The following TCP11L2 variants were observed in gnomAD, a reference collection of about 807,000 sequenced individuals.
The protein encoded by TCP11L2 is t-complex 11 like 2.
Under a neutral mutation model 50.7 loss-of-function variants are expected in TCP11L2, and 39 were observed. That is an observed-to-expected ratio of 0.77 (90% confidence interval 0.60 to 1.01). The LOEUF is 1.01. Ranked by LOEUF, TCP11L2 falls within the 50% of genes least tolerant of loss-of-function variation. The pLI is 0.00. For missense variants in TCP11L2, 612 were observed against 614.7 expected, an observed-to-expected ratio of 1.00 and a Z score of 0.05; for synonymous variants, 192 against 219.3, an observed-to-expected ratio of 0.88 and a Z score of 1.10.
At chr12:106,326,835 G>T (rs1490367646) in intron 6 of TCP11L2, among the ~76,000 whole-genome samples, 1 of 152,194 alleles carries the variant, frequency 6.6e-6, no homozygotes, top group Non-Finnish European at 1.5e-5. Flanking sequence ...CATCTGGATA[G>T]CCAGTTATCT....
chr12:106,328,978 C>T (rs1468403482), intron 6 of TCP11L2, among the ~76,000 whole-genome samples: 2 of 151,878 alleles, frequency 1.3e-5, no homozygotes, highest in South Asian at 2.1e-4. Flanking sequence ...AAGATGGGGC[C>T]TCTGAATTGA....
At position 106,321,800 on chromosome 12, in the gene TCP11L2, C is replaced by T. The variant is rs1592951370; in HGVS notation, c.635+94C>T. 32 of 1,003,972 alleles carry T rather than the reference C, an allele frequency of 3.2e-5. No individual in the cohort carries two copies. In the East Asian group the frequency reaches 7.6e-4, roughly 24 times the overall value. 62.2% of individuals were successfully genotyped at this position (1,003,972 alleles called of 1,614,324 possible). A position where few individuals can be genotyped will look rare whatever the true frequency, so the allele number is the denominator to read the frequency against. On this transcript the variant is annotated intron_variant, in intron 5 of 9. Transcript: ENST00000299045. ...AGGGAACACAGAATAACAACTAGTA[C>T]CCCAAATAAATTACTGACCCTAGAA...
Position 106,321,538 on chromosome 12 carries a change from G to C in TCP11L2, c.467G>C (p.Cys156Ser), listed in dbSNP as rs765135038. The change falls in exon 5 of 10, where the codon TGT becomes TCT. Residue 156 changes from cysteine to serine, a missense_variant. Cys to Ser is a moderately radical substitution (Grantham distance 112). Transcript: ENST00000299045. ...PGGNRLRNQI[C>S]EVLDTDLIRQ... ...GGCAACCGGCTTCGCAACCAAATCTGTGAAGTTTTGGACACAGACCTCATT... is the reference window on the plus strand; with the variant it reads ...GGCAACCGGCTTCGCAACCAAATCTCTGAAGTTTTGGACACAGACCTCATT... 2.5e-6 allele frequency: 4 copies of C among 1,614,204 alleles called. No homozygotes were observed. Among genetic ancestry groups the C allele is most frequent in the Non-Finnish European group, 2.5e-6 (3 of 1,180,036 alleles).
rs763547837 is a variant in TCP11L2 at position 106,346,500 on chromosome 12, G to C, written c.1530G>C (p.Gly510=). ...RKLLFNEEAM[G]KVDASPPTN ...TGCTCTTCAATGAGGAAGCCATGGG[G>C]AAGGTAGATGCTTCACCTCCTACTA... The change falls in exon 10 of 10, where the codon GGG becomes GGC. Residue 510 remains glycine, a synonymous_variant. Transcript: ENST00000299045. 3 of 1,613,804 alleles carry C rather than the reference G, an allele frequency of 1.9e-6. No homozygotes were observed. The highest frequency in any genetic ancestry group is 2.5e-6 in the Non-Finnish European group (3 of 1,179,962).
chr12:106,324,022 G>T (rs2035450431), intron 6 of TCP11L2: 1 of 152,328 alleles, frequency 6.6e-6, no homozygotes, highest in Non-Finnish European at 1.5e-5. Flanking sequence ...CTGCTTAGGT[G>T]CAGTGGATAC....
chr12:106,314,236 C>T (rs2034977017), intron 2 of TCP11L2, 122 bp from the exon 3 acceptor site: 2 of 1,016,144 alleles, frequency 2.0e-6, no homozygotes, highest in African/African-American at 1.6e-5. Flanking sequence ...TATATAGTCT[C>T]CTGACCTATA....
intron 9 of TCP11L2, among the ~76,000 whole-genome samples, chr12:106,345,338 T>C (rs1231782166): frequency 6.6e-6 from 1 of 152,084 alleles, no homozygotes; most frequent in Non-Finnish European, 1.5e-5. Flanking sequence ...TGAGAGTCTC[T>C]TTTTAAAATT....
chr12:106,304,182 C>T (rs1220681477), intron 1 of TCP11L2: 2 of 152,364 alleles, frequency 1.3e-5, no homozygotes, highest in African/African-American at 4.8e-5. Flanking sequence ...GTGGAAGCAG[C>T]TTCAATGCCA....
At chr12:106,312,919 G>T (rs2034916752) in intron 2 of TCP11L2, among the ~76,000 whole-genome samples, 1 of 152,122 alleles carries the variant, frequency 6.6e-6, no homozygotes, top group Admixed American at 6.5e-5. Flanking sequence ...AGTATTACCT[G>T]TCACTGCTGT....
chr12:106,306,922 A>G (rs990071953), intron 1 of TCP11L2, among the ~76,000 whole-genome samples: 2 of 152,224 alleles, frequency 1.3e-5, no homozygotes, highest in African/African-American at 4.8e-5. Context: ...TCATCAGTGT[A>G]TCTTTGCAAT....
chr12:106,307,238 A>T (rs2034668874), intron 1 of TCP11L2: 3 of 152,250 alleles, frequency 2.0e-5, no homozygotes, highest in African/African-American at 7.2e-5. Flanking sequence ...TGATGGAATA[A>T]TACAATCAAA....
Position 106,341,984 on chromosome 12 carries a change from G to A in TCP11L2, c.1315+986G>A, listed in dbSNP as rs544203843. 6.6e-4 allele frequency among the ~76,000 whole-genome samples: 100 copies of A among 152,280 alleles called. 1 individual carries two copies. The highest frequency in any genetic ancestry group is 4.1e-4 in the South Asian group (2 of 4,822). On this transcript the variant is annotated intron_variant, in intron 9 of 9. Coordinates refer to ENST00000299045, the MANE Select transcript of TCP11L2 (RefSeq NM_152772.3). Reference sequence around the variant, plus strand: ...CAGTTTTCTCTGTAACACCTGATGAGAGTAGGGAGGAGATGGTTACCCCCA... The same window carrying A: ...CAGTTTTCTCTGTAACACCTGATGAAAGTAGGGAGGAGATGGTTACCCCCA...
intron 3 of TCP11L2, among the ~76,000 whole-genome samples, chr12:106,315,051 G>A (rs899682862): frequency 6.7e-5 from 10 of 150,202 alleles, no homozygotes; most frequent in Non-Finnish European, 1.5e-4. Context: ...CCCGGCCAAC[G>A]TGGTGAAACC....
upstream of TCP11L2, among the ~76,000 whole-genome samples, chr12:106,301,627 C>T (rs2034417052): frequency 6.6e-6 from 1 of 152,180 alleles, no homozygotes; most frequent in Non-Finnish European, 1.5e-5. Context: ...GACATAATTT[C>T]GGCACTAAAC....
At chr12:106,333,999 G>C (rs2035829498) in intron 6 of TCP11L2, among the ~76,000 whole-genome samples, 1 of 152,196 alleles carries the variant, frequency 6.6e-6, no homozygotes, top group African/African-American at 2.4e-5. Flanking sequence ...ACAGGAATGA[G>C]TAAGATGGTC....
intron 6 of TCP11L2, among the ~76,000 whole-genome samples, chr12:106,334,899 C>G (rs925883610): frequency 4.6e-5 from 7 of 151,960 alleles, no homozygotes; most frequent in Non-Finnish European, 7.4e-5. Context: ...TGAGATTGCC[C>G]CACTGCACTC....
rs769616906 is a variant in TCP11L2, at chr12:106,321,695, G to A, written c.624G>A (p.Val208=). Residue 208 remains valine (V), a synonymous_variant, in exon 5 of 10, where the codon GTG becomes GTA. Transcript: ENST00000299045. Reference sequence around the variant, plus strand: ...AGTTAAAGGCTACTGGCAACATCGTGGAGGTGCTGAGGTTAGCACTTTTGC... The same window carrying A: ...AGTTAAAGGCTACTGGCAACATCGTAGAGGTGCTGAGGTTAGCACTTTTGC... ...IRELKATGNI[V]EVLRQIFHVL... 1 of 1,614,054 alleles carries A rather than the reference G, an allele frequency of 6.2e-7. No homozygotes were observed. The highest frequency in any genetic ancestry group is 1.7e-5 in the Admixed American group (1 of 60,018).
chr12:106,323,943 G>A (rs1047288843), intron 6 of TCP11L2: 1 of 156,924 alleles, frequency 6.4e-6, no homozygotes, highest in Admixed American at 6.5e-5. Flanking sequence ...TCCAGGAACT[G>A]TGCTAAGCAC....
chr12:106,315,544 A>G (rs1354820736), intron 3 of TCP11L2, among the ~76,000 whole-genome samples: 1 of 152,234 alleles, frequency 6.6e-6, no homozygotes, highest in Non-Finnish European at 1.5e-5. Flanking sequence ...TGCCTGACAT[A>G]CAGTACAGGC....
Sources: gnomAD v4.1 joint callset for allele counts (sites outside exome capture counted in the v4.1 genomes callset) on GRCh38, gnomAD v4.1.1 for gene constraint, MANE v1.5 for transcripts, NCBI Gene and HGNC (gene_info 2026-07-23, HGNC 2026-07-21) for gene names.